MICALL1: variants seen among roughly 807,000 people sequenced by gnomAD.
MICALL1 encodes MICAL like 1, also known as MICAL-like protein 1.
In MICALL1, 61 loss-of-function variants were observed where a neutral mutation model predicts 83.7. The ratio of observed to expected loss-of-function variants is 0.73; its 90% CI spans 0.59 to 0.90. The LOEUF is 0.90. Ranked by LOEUF, MICALL1 falls within the 40% of genes least tolerant of loss-of-function variation. MICALL1 has a pLI of 0.00. For missense variants in MICALL1, 1,066 were observed against 1,152.0 expected (o/e 0.93, Z 1.08); for synonymous variants, 481 against 473.6 (o/e 1.02, Z -0.20).
Position 37,927,575 on chromosome 22 carries a change from G to A in MICALL1, c.1630G>A (p.Ala544Thr), listed in dbSNP as rs1252420201. ...PKSSSEPAVHAPGTPGNPVSL... is the reference protein window; with the variant it reads ...PKSSSEPAVHTPGTPGNPVSL... Reference sequence around the variant, plus strand: ...GAGCTCCTCAGAGCCTGCTGTCCATGCCCCTGGTACCCCTGGAAACCCTGT... The same window carrying A: ...GAGCTCCTCAGAGCCTGCTGTCCATACCCCTGGTACCCCTGGAAACCCTGT... The change falls in exon 9 of 16, where the codon GCC (alanine) becomes ACC (threonine). Residue 544 changes from alanine (A) to threonine (T), a missense_variant. By Grantham distance (58) the Ala-to-Thr change is moderately conservative. Transcript: ENST00000215957. The A allele has an allele frequency of 2.5e-6, 4 of 1,613,386 alleles. No individual in the cohort carries two copies. The highest frequency in any genetic ancestry group is 3.4e-6 in the Non-Finnish European group (4 of 1,179,478).
chr22:37,907,838 G>C (rs989926396), intron 1 of MICALL1, among the ~76,000 whole-genome samples: 1 of 152,230 alleles, frequency 6.6e-6, no homozygotes, highest in Non-Finnish European at 1.5e-5. Flanking sequence ...CCTGCCCGCT[G>C]TGGGGCATGT....
In MICALL1 at chr22:37,912,392, C is replaced by T. The variant is rs1473894345; in HGVS notation, c.237C>T (p.Leu79=). ...VAEKELGIPA[L]LDPNDMVSMS... ...AGAAGGAGCTGGGGATCCCCGCTCT[C>T]CTGGACCCCAATGACATGGTCTCCA... Residue 79 remains leucine (L), a synonymous_variant, in exon 3 of 16, where the codon CTC becomes CTT. Coordinates refer to ENST00000215957, the MANE Select transcript of MICALL1 (RefSeq NM_033386.4). 1 of 1,614,054 alleles carries T rather than the reference C, an allele frequency of 6.2e-7. No homozygotes were observed. The highest frequency in any genetic ancestry group is 8.5e-7 in the Non-Finnish European group (1 of 1,179,914).
chr22:37,906,697 C>A lies in MICALL1; in HGVS notation c.146+129C>A, dbSNP rs190986047. On this transcript the variant is annotated intron_variant, in intron 1 of 15. Transcript: ENST00000215957. This position sits in a 1 kb window ranked among gnomAD's most constrained non-coding sequence, Gnocchi z 4.4. ...CCCGGACACGGAGACGCCGACCCCC[C>A]CGACGGCCCCGGACGCCGGGCGGGT... is the stretch of plus-strand genomic sequence containing the variant. The A allele has an allele frequency of 0.013, 11,336 of 856,962 alleles. 283 individuals are homozygous for A. Among genetic ancestry groups the A allele is most frequent in the Admixed American group, 0.13 (2,484 of 19,252 alleles). 53.1% of individuals were successfully genotyped at this position (856,962 alleles called of 1,614,324 possible).
intron 9 of MICALL1, 28 bp downstream of exon 9, chr22:37,927,854 G>A: frequency 6.4e-7 from 1 of 1,572,540 alleles, no homozygotes; most frequent in Non-Finnish European, 8.6e-7. Flanking sequence ...CTCACTAAAA[G>A]TGACATCCTC....
In MICALL1 at chr22:37,932,489, G is replaced by A; in HGVS notation, c.2017-64G>A. On this transcript the variant is annotated intron_variant, in intron 10 of 15. Transcript: ENST00000215957. The surrounding 1 kb of genome is among the most constrained non-coding windows in gnomAD (Gnocchi z 4.4). The stretch of plus-strand genomic sequence containing the variant: ...CCACCAGTGGCCAATGCTGGCCAGA[G>A]AAGAGGGCAAGGCTCCTGGCAGCAA... The A allele has an allele frequency of 6.3e-7, 1 of 1,596,762 alleles. No homozygotes were observed. The highest frequency in any genetic ancestry group is 8.6e-7 in the Non-Finnish European group (1 of 1,169,544).
rs771559948 is a variant in MICALL1 at position 37,937,856 on chromosome 22, A to G, written c.2470+64A>G. ...AACTTCGGCATTGGGGTTGGAAGGG[A>G]GGGACTGGTTGAAGGGAGGGTTGGA... On this transcript the variant is annotated intron_variant, in intron 15 of 15. Transcript: ENST00000215957. 1.5e-5 allele frequency: 24 copies of G among 1,603,944 alleles called. No individual in the cohort carries two copies. In the African/African-American group the frequency reaches 2.7e-4, roughly 18 times the overall value.
At chr22:37,912,729 C>T (rs1314251426) in intron 3 of MICALL1, among the ~76,000 whole-genome samples, 2 of 151,540 alleles carry the variant, frequency 1.3e-5, no homozygotes, top group Admixed American at 6.6e-5. Context: ...TGCGATGGCA[C>T]GATCTCGGCT....
rs745657213 is a variant in MICALL1 at position 37,922,042 on chromosome 22, T to C, written c.640T>C (p.Cys214Arg). 12 of 1,612,946 alleles carry C rather than the reference T, an allele frequency of 7.4e-6. No homozygotes were observed. The highest frequency in any genetic ancestry group is 1.0e-5 in the Non-Finnish European group (12 of 1,179,598). The change falls in exon 6 of 16, where the codon TGT becomes CGT. Residue 214 changes from cysteine to arginine, a missense_variant. By Grantham distance (180) the Cys-to-Arg change is radical (BLOSUM62 -3). Transcript: ENST00000215957. ...ENGPEEGTFV[C>R]AEHCARLGPG... The stretch of plus-strand genomic sequence containing the variant: ...TGGGCCTGAGGAGGGCACCTTTGTG[T>C]GTGCAGAACACTGTGCCAGGCTGGG...
At chr22:37,912,289 C>G in intron 2 of MICALL1, 62 bp from the exon 3 acceptor site, 1 of 1,553,114 alleles carries the variant, frequency 6.4e-7, no homozygotes, top group Non-Finnish European at 8.7e-7. Flanking sequence ...GGGGTCGCCC[C>G]CTAACGCCTC....
Position 37,940,999 on chromosome 22 carries a change from G to T in MICALL1, c.*169G>T. 1 of 777,304 alleles carries T rather than the reference G, an allele frequency of 1.3e-6. No individual in the cohort carries two copies. The highest frequency in any genetic ancestry group is 3.0e-5 in the Admixed American group (1 of 33,338). The allele number at this position is 777,304 out of a possible 1,614,324, so 48.2% of individuals were successfully genotyped here. ...CTCCTCAGGGACCTCTGACTGCTCT[G>T]GGCCAAAGAATCTCTTGTTTCTTCT... On this transcript the variant is annotated 3_prime_UTR_variant, in exon 16 of 16. Coordinates refer to ENST00000215957, the MANE Select transcript of MICALL1 (RefSeq NM_033386.4).
At chr22:37,907,240 CA>C (rs2145867406) in intron 1 of MICALL1, 1 of 152,410 alleles carries the variant, frequency 6.6e-6, no homozygotes, top group South Asian at 2.1e-4. Flanking sequence ...GTGGGGCGCG[CA>C]AGAGGAGTCA....
intron 5 of MICALL1, among the ~76,000 whole-genome samples, chr22:37,921,614 C>T (rs1196825990): frequency 6.6e-6 from 1 of 152,122 alleles, no homozygotes; most frequent in East Asian, 1.9e-4. Flanking sequence ...AAACACAAAA[C>T]AACACCTGAT....
chr22:37,919,986 C>CA (rs200007951), intron 5 of MICALL1, among the ~76,000 whole-genome samples: 176 of 148,872 alleles, frequency 1.2e-3, no homozygotes, highest in African/African-American at 3.9e-3. Flanking sequence ...GACTCTGTCT[C>CA]AAAAAAAAAA....
Position 37,940,873 on chromosome 22 carries a change from C to G in MICALL1, c.*43C>G. The G allele has an allele frequency of 1.1e-5, 18 of 1,610,174 alleles. No individual in the cohort carries two copies. Among genetic ancestry groups the G allele is most frequent in the Non-Finnish European group, 1.5e-5 (18 of 1,177,722 alleles). On this transcript the variant is annotated 3_prime_UTR_variant, in exon 16 of 16. Coordinates refer to ENST00000215957, the MANE Select transcript of MICALL1 (RefSeq NM_033386.4). ...TGGGGACTGCCCCCTCCTGGAGCAGCTCCTGGGCTGTGCTCTGTTTGAAGG... is the reference window on the plus strand; with the variant it reads ...TGGGGACTGCCCCCTCCTGGAGCAGGTCCTGGGCTGTGCTCTGTTTGAAGG...
Position 37,912,417 on chromosome 22 carries a change from A to T in MICALL1, c.262A>T (p.Met88Leu). ...CCTGGACCCCAATGACATGGTCTCC[A>T]TGAGCGTCCCTGACTGCCTCAGCAT... ...ALLDPNDMVSMSVPDCLSIMT... is the reference protein window; with the variant it reads ...ALLDPNDMVSLSVPDCLSIMT... The change falls in exon 3 of 16, where the codon ATG becomes TTG. Residue 88 changes from methionine (M) to leucine (L), a missense_variant. By Grantham distance (15) the Met-to-Leu change is conservative (BLOSUM62 2). Transcript: ENST00000215957. 1.9e-6 allele frequency: 3 copies of T among 1,613,986 alleles called. No homozygotes were observed. Among genetic ancestry groups the T allele is most frequent in the African/African-American group, 1.3e-5 (1 of 75,026 alleles).
In MICALL1 at chr22:37,912,482, T is replaced by C; in HGVS notation, c.327T>C (p.Ser109=). Residue 109 remains serine (S), a synonymous_variant, in exon 3 of 16, where the codon AGT becomes AGC. Transcript: ENST00000215957. ...YVSQYYNHFC[S]PGQAGVSPPR... ...CCCAGTATTACAACCACTTCTGCAG[T>C]CCTGGCCAAGGTGAGAGGGGGACTC... The C allele has an allele frequency of 1.9e-6, 3 of 1,607,158 alleles. No individual in the cohort carries two copies. The highest frequency in any genetic ancestry group is 2.6e-6 in the Non-Finnish European group (3 of 1,174,702).
chr22:37,910,877 A>T (rs984501083), intron 1 of MICALL1, among the ~76,000 whole-genome samples: 3 of 152,148 alleles, frequency 2.0e-5, no homozygotes, highest in African/African-American at 7.2e-5. Flanking sequence ...TGCTGGAAGG[A>T]CTGCTGATCC....
rs1324617237 is a variant in MICALL1 at position 37,941,629 on chromosome 22, A to T, written c.*799A>T. On this transcript the variant is annotated 3_prime_UTR_variant, in exon 16 of 16. Transcript: ENST00000215957. ...AAGGGTGCACTTGAAGCAGGTGCTC[A>T]TCTCGGTTCCTTAACGTTTATAGTC... 1 of 152,174 alleles carries T rather than the reference A, an allele frequency of 6.6e-6. No homozygotes were observed. The highest frequency in any genetic ancestry group is 1.5e-5 in the Non-Finnish European group (1 of 68,118). 9.4% of individuals were successfully genotyped at this position (152,174 alleles called of 1,614,324 possible). A position where few individuals can be genotyped will look rare whatever the true frequency, so the allele number is the denominator to read the frequency against.
Position 37,927,444 on chromosome 22 carries a change from C to T in MICALL1, c.1499C>T (p.Pro500Leu), listed in dbSNP as rs148951911. 5.0e-4 allele frequency: 805 copies of T among 1,595,422 alleles called. 5 individuals carry two copies. Among genetic ancestry groups the T allele is most frequent in the Admixed American group, 6.0e-4 (36 of 59,684 alleles). Residue 500 changes from proline to leucine, a missense_variant, in exon 9 of 16, where the codon CCG becomes CTG. Physicochemically the swap from Pro to Leu is moderately conservative, Grantham distance 98. Transcript: ENST00000215957. ...LHASRLSHSE[P>L]PSATPSPALS... is the part of the protein sequence containing the mutation. ...GCCTCCCGCCTCTCGCACTCGGAGC[C>T]GCCCTCGGCCACACCATCGCCAGCG...
Sources: allele counts gnomAD v4.1 joint callset (sites outside exome capture counted in the v4.1 genomes callset), GRCh38; gene constraint gnomAD v4.1.1; non-coding constraint Gnocchi (gnomAD v3.1); transcripts MANE v1.5; gene names NCBI Gene and HGNC (gene_info 2026-07-23, HGNC 2026-07-21).